Variants in TMEM74 observed in about 807,000 individuals in gnomAD.
The protein encoded by TMEM74 is transmembrane protein 74.
Under a neutral mutation model 18.1 loss-of-function variants are expected in TMEM74, and 13 were observed. The observed-to-expected ratio is 0.72, with a 90% CI of 0.47 to 1.14. The LOEUF (loss-of-function observed/expected upper bound fraction) is 1.14, where lower values mean the gene tolerates loss of function less well. Ranked by LOEUF, TMEM74 falls within the 50% of genes most tolerant of loss-of-function variation. The pLI is 0.00. For missense variants in TMEM74, 372 were observed against 375.9 expected (o/e 0.99, Z 0.09); for synonymous variants, 159 against 146.6 (o/e 1.08, Z -0.61).
chr8:108,694,461 A>G (rs1183180199), intron 1 of TMEM74, among the ~76,000 whole-genome samples: 1 of 152,258 alleles, frequency 6.6e-6, no homozygotes, highest in African/African-American at 2.4e-5. Flanking sequence ...CATTTATATG[A>G]AATATCCATA....
At chr8:108,764,752 C>T (rs1405491183) in intron 1 of TMEM74, among the ~76,000 whole-genome samples, 8 of 152,142 alleles carry the variant, frequency 5.3e-5, no homozygotes, top group Admixed American at 5.2e-4. Flanking sequence ...AGCTCTTCTT[C>T]CAGCTCATCC....
At chr8:108,708,006 G>A (rs1474249186) in intron 1 of TMEM74, among the ~76,000 whole-genome samples, 1 of 152,090 alleles carries the variant, frequency 6.6e-6, no homozygotes, top group East Asian at 1.9e-4. Flanking sequence ...TGGATAGGTA[G>A]TTTTTCCGTT....
At chr8:108,647,449 T>C (rs1008531678) in intron 2 of TMEM74, among the ~76,000 whole-genome samples, 1 of 152,180 alleles carries the variant, frequency 6.6e-6, no homozygotes, top group African/African-American at 2.4e-5. Flanking sequence ...AAACTTTTTC[T>C]ATGACTAATG....
chr8:108,703,676 G>A (rs1401711780), intron 1 of TMEM74, among the ~76,000 whole-genome samples: 1 of 152,150 alleles, frequency 6.6e-6, no homozygotes, highest in Non-Finnish European at 1.5e-5. Flanking sequence ...ACCTCTTCTT[G>A]TCAATCATTC....
intron 2 of TMEM74, among the ~76,000 whole-genome samples, chr8:108,618,789 T>C (rs1332026553): frequency 2.0e-5 from 3 of 152,192 alleles, no homozygotes; most frequent in African/African-American, 2.4e-5. Flanking sequence ...TTCAGTGACC[T>C]TGTGTACTGC....
At chr8:108,716,017 T>G (rs541028429) in intron 1 of TMEM74, among the ~76,000 whole-genome samples, 1 of 152,060 alleles carries the variant, frequency 6.6e-6, no homozygotes, top group South Asian at 2.1e-4. Flanking sequence ...GCAAATGACA[T>G]AGTATAAAAA....
At chr8:108,685,428 A>G (rs966850753) in intron 1 of TMEM74, among the ~76,000 whole-genome samples, 3 of 152,130 alleles carry the variant, frequency 2.0e-5, no homozygotes, top group African/African-American at 7.2e-5. Flanking sequence ...GATGCCCTTT[A>G]TTTCTTTCTC....
intron 1 of TMEM74, among the ~76,000 whole-genome samples, chr8:108,663,495 GCTTTTATA>G (rs1410059215): frequency 6.6e-6 from 1 of 152,188 alleles, no homozygotes; most frequent in East Asian, 1.9e-4. Flanking sequence ...AAAAATGAAC[GCTTTTATA>G]CTGTTGGTGA....
At chr8:108,680,600 C>T (rs1202113275) in intron 1 of TMEM74, among the ~76,000 whole-genome samples, 1 of 152,182 alleles carries the variant, frequency 6.6e-6, no homozygotes, top group African/African-American at 2.4e-5. Context: ...CCTTTGAAAA[C>T]TGGCACAAGA....
chr8:108,622,607 G>A (rs371990713), intron 2 of TMEM74, among the ~76,000 whole-genome samples: 104 of 152,138 alleles, frequency 6.8e-4, no homozygotes, highest in African/African-American at 2.3e-3. Context: ...TATGTTATAT[G>A]CTTTCTGTAA....
In TMEM74 at chr8:108,657,839, T is replaced by A. The variant is rs1343803328; in HGVS notation, n.120-2402A>T. ...GCCTGGGTGACAGAGTGAGACACCG[T>A]CTCAAAAAAAAAAAAAAAAAATATA... On this transcript the variant is annotated intron_variant and non_coding_transcript_variant, in intron 1 of 3. Transcript: ENST00000518838. 1.2e-4 allele frequency among the ~76,000 whole-genome samples: 3 copies of A among 24,048 alleles called. No homozygotes were observed. The East Asian group carries it at 4.5e-3, about 36-fold the overall frequency. The allele number at this position is 24,048 out of a possible 152,430, so 15.8% of individuals were successfully genotyped here. A position where few individuals can be genotyped will look rare whatever the true frequency, so the allele number is the denominator to read the frequency against.
At chr8:108,646,689 C>A (rs2130567034) in intron 2 of TMEM74, among the ~76,000 whole-genome samples, 1 of 152,174 alleles carries the variant, frequency 6.6e-6, no homozygotes, top group East Asian at 1.9e-4. Context: ...TTAACAGTGA[C>A]AGTTTTAACA....
intron 1 of TMEM74, among the ~76,000 whole-genome samples, chr8:108,738,581 G>T (rs780966403): frequency 5.9e-5 from 9 of 152,114 alleles, no homozygotes; most frequent in Non-Finnish European, 1.2e-4. Flanking sequence ...AGCCAGGGGA[G>T]CAAGGGTCAT....
chr8:108,660,873 A>G (rs957067339), intron 1 of TMEM74, among the ~76,000 whole-genome samples: 2 of 152,138 alleles, frequency 1.3e-5, no homozygotes, highest in African/African-American at 4.8e-5. Context: ...CCAAGTCTGA[A>G]AAAGTTACCA....
intron 2 of TMEM74, among the ~76,000 whole-genome samples, chr8:108,621,755 G>C (rs1812442470): frequency 6.6e-6 from 1 of 152,128 alleles, no homozygotes; most frequent in Non-Finnish European, 1.5e-5. Flanking sequence ...GGGTGAACTT[G>C]GTTGAGTTAT....
At chr8:108,695,312 C>A (rs1813270060) in intron 1 of TMEM74, among the ~76,000 whole-genome samples, 1 of 152,174 alleles carries the variant, frequency 6.6e-6, no homozygotes, top group Non-Finnish European at 1.5e-5. Flanking sequence ...AAATTTCGAA[C>A]ACCAAGGAGA....
intron 1 of TMEM74, among the ~76,000 whole-genome samples, chr8:108,682,573 A>G (rs1330835509): frequency 6.6e-6 from 1 of 152,088 alleles, no homozygotes; most frequent in Non-Finnish European, 1.5e-5. Flanking sequence ...CATGCACTAC[A>G]TAGTAGGCAC....
intron 1 of TMEM74, among the ~76,000 whole-genome samples, chr8:108,702,158 C>G (rs985663344): frequency 6.6e-6 from 1 of 151,744 alleles, no homozygotes; most frequent in African/African-American, 2.4e-5. Flanking sequence ...GCCTGGCCAA[C>G]GTAGTGAAAC....
chr8:108,651,727 G>A (rs117414883), intron 2 of TMEM74, among the ~76,000 whole-genome samples: 1,841 of 152,006 alleles, frequency 0.012, 23 homozygotes, highest in Non-Finnish European at 0.019. Flanking sequence ...AGAATATGTG[G>A]ACCCCCAGTT....
Sources: gnomAD v4.1 joint callset for allele counts (sites outside exome capture counted in the v4.1 genomes callset) on GRCh38, gnomAD v4.1.1 for gene constraint, MANE v1.5 for transcripts, NCBI Gene and HGNC (gene_info 2026-07-23, HGNC 2026-07-21) for gene names.